The following RHOT1 variants were observed in gnomAD, a reference collection of about 807,000 sequenced individuals.
The protein encoded by RHOT1 is ras homolog family member T1.
A neutral mutation model predicts 95.3 loss-of-function variants in RHOT1; 27 were observed. The observed-to-expected ratio is 0.28, with a 90% CI of 0.21 to 0.39. The LOEUF is 0.39. Ranked by LOEUF, RHOT1 falls within the 10% of genes least tolerant of loss-of-function variation. The probability of loss-of-function intolerance (pLI) is 1.00; values close to 1 mark genes in which losing one functional copy is unlikely to be tolerated. For missense variants in RHOT1, 578 were observed against 786.7 expected (o/e 0.73, Z 3.17); for synonymous variants, 227 against 263.5 (o/e 0.86, Z 1.34).
chr17:32,143,003 C>G (rs1027955422), intron 1 of RHOT1: 1 of 694,440 alleles, frequency 1.4e-6, no homozygotes, highest in African/African-American at 2.2e-5. Context: ...AGCCATGTCC[C>G]TATTAGCCCT....
Position 32,142,676 on chromosome 17 carries a change from C to A in RHOT1, c.-17C>A. ...TCCGTGCGTGCGGGCGGAGGCCGGC[C>A]CCCGAGAGCCGCCGACATGAAGAAA... On this transcript the variant is annotated 5_prime_UTR_variant, in exon 1 of 20. Transcript: ENST00000545287. 6.5e-7 allele frequency: 1 copy of A among 1,528,494 alleles called. No homozygotes were observed. The allele number at this position is 1,528,494 out of a possible 1,614,324, so 94.7% of individuals were successfully genotyped here.
chr17:32,163,325 G>T (rs998717201), intron 1 of RHOT1, among the ~76,000 whole-genome samples: 1 of 152,140 alleles, frequency 6.6e-6, no homozygotes, highest in Non-Finnish European at 1.5e-5. Context: ...AGGAATGAAT[G>T]TTAAAAATTT....
At chr17:32,222,464 A>G (rs2038893089) in intron 19 of RHOT1, among the ~76,000 whole-genome samples, 1 of 152,156 alleles carries the variant, frequency 6.6e-6, no homozygotes, top group South Asian at 2.1e-4. Context: ...TTTCAGATGC[A>G]CCAAGACCAG....
chr17:32,222,533 GGTGT>G (rs145762607), intron 19 of RHOT1, among the ~76,000 whole-genome samples: 1 of 151,370 alleles, frequency 6.6e-6, no homozygotes, highest in Non-Finnish European at 1.5e-5. Context: ...GTCTGGAGTG[GGTGT>G]GTGTGTGTGT....
At chr17:32,213,767 T>C (rs1359672352) in intron 19 of RHOT1, among the ~76,000 whole-genome samples, 1 of 152,230 alleles carries the variant, frequency 6.6e-6, no homozygotes, top group African/African-American at 2.4e-5. Context: ...ATTCATTGTC[T>C]GTGTCCCTGG....
At chr17:32,199,341 G>A in intron 12 of RHOT1, 64 bp from the exon 13 acceptor site, 4 of 1,449,610 alleles carry the variant, frequency 2.8e-6, no homozygotes, top group Admixed American at 2.2e-5. Flanking sequence ...TAGATTGGGG[G>A]GCTTTTGAGT....
At chr17:32,221,751 A>T (rs955724113) in intron 19 of RHOT1, among the ~76,000 whole-genome samples, 1 of 152,210 alleles carries the variant, frequency 6.6e-6, no homozygotes, top group Non-Finnish European at 1.5e-5. Flanking sequence ...ACATGTATCT[A>T]TATTGATCTT....
At position 32,163,222 on chromosome 17, in the gene RHOT1, G is replaced by A. The variant is rs1275209344; in HGVS notation, c.38-7821G>A. Among the ~76,000 whole-genome samples, 3 of 152,128 alleles carry A rather than the reference G, an allele frequency of 2.0e-5. 1 individual carries two copies. The highest frequency in any genetic ancestry group is 4.4e-5 in the Non-Finnish European group (3 of 68,026). On this transcript the variant is annotated intron_variant, in intron 1 of 19. Coordinates refer to ENST00000545287, the MANE Select transcript of RHOT1 (RefSeq NM_001033566.3). ...ATTTATATTGTTGGTAGATTAATGAGGAGAGAGACTGGAGAAAGGGATAGG... is the reference window on the plus strand; with the variant it reads ...ATTTATATTGTTGGTAGATTAATGAAGAGAGAGACTGGAGAAAGGGATAGG...
At position 32,207,549 on chromosome 17, in the gene RHOT1, C is replaced by T. The variant is rs774471534; in HGVS notation, c.1536+520C>T. The stretch of plus-strand genomic sequence containing the variant: ...AATAATCAAGATGGCTAACAATGGA[C>T]GATGATTTACTGAAGTAAGATAAAA... On this transcript the variant is annotated intron_variant, in intron 17 of 19. Transcript: ENST00000545287. 9 of 153,280 alleles carry T rather than the reference C, an allele frequency of 5.9e-5. No homozygotes were observed. In the South Asian group the frequency reaches 6.1e-4, roughly 10 times the overall value. The allele number at this position is 153,280 out of a possible 1,614,324, so 9.5% of individuals were successfully genotyped here.
chr17:32,190,748 A>T (rs1407413363), intron 8 of RHOT1, among the ~76,000 whole-genome samples: 2 of 152,230 alleles, frequency 1.3e-5, no homozygotes, highest in Admixed American at 6.5e-5. Context: ...ATGTGTGATT[A>T]TAGATGTTAT....
chr17:32,187,018 G>C (rs749429720), intron 8 of RHOT1, among the ~76,000 whole-genome samples: 26 of 151,926 alleles, frequency 1.7e-4, no homozygotes, highest in Non-Finnish European at 2.9e-4. Context: ...CGGGTGCAGT[G>C]GCTCATGCCT....
intron 1 of RHOT1, among the ~76,000 whole-genome samples, chr17:32,154,283 A>G (rs1250746895): frequency 6.6e-6 from 1 of 150,830 alleles, no homozygotes; most frequent in Non-Finnish European, 1.5e-5. Context: ...TCTACGAGAA[A>G]TTAAAAAAAA....
rs1242718385 is a variant in RHOT1 at position 32,142,506 on chromosome 17, C to CCGCCGCCGCCGCCGCCGCCG, written c.-186_-185insGCCGCCGCCGCCGCCGCCGC. On this transcript the variant is annotated 5_prime_UTR_variant, in exon 1 of 20. Transcript: ENST00000545287. ...GCCGCCGCCGCCGCCGCCGCCACAG[C>CCGCCGCCGCCGCCGCCGCCG]CCGCTGGGCCGGAGGAGGCGGAGCT... 2 of 432,394 alleles carry CCGCCGCCGCCGCCGCCGCCG rather than the reference C, an allele frequency of 4.6e-6. No homozygotes were observed. Among genetic ancestry groups the CCGCCGCCGCCGCCGCCGCCG allele is most frequent in the Non-Finnish European group, 7.7e-6 (2 of 260,478 alleles). 26.8% of individuals were successfully genotyped at this position (432,394 alleles called of 1,614,324 possible).
intron 1 of RHOT1, among the ~76,000 whole-genome samples, chr17:32,162,318 A>G (rs1177443059): frequency 6.6e-6 from 1 of 152,200 alleles, no homozygotes; most frequent in Non-Finnish European, 1.5e-5. Flanking sequence ...GGAAATTCCA[A>G]GGGATTCTGA....
Position 32,142,741 on chromosome 17 carries a change from C to A in RHOT1, c.37+12C>A. 2 of 1,507,434 alleles carry A rather than the reference C, an allele frequency of 1.3e-6. No homozygotes were observed. The highest frequency in any genetic ancestry group is 1.3e-5 in the South Asian group (1 of 77,060). 93.4% of individuals were successfully genotyped at this position (1,507,434 alleles called of 1,614,324 possible). On this transcript the variant is annotated intron_variant, in intron 1 of 19. Coordinates refer to ENST00000545287, the MANE Select transcript of RHOT1 (RefSeq NM_001033566.3). ...GCTGGTGGGAGAACGTGAGTCCGCA[C>A]CCTCTGGCCGGCCCCTGAGTCCCTG... is the stretch of plus-strand genomic sequence containing the variant.
intron 19 of RHOT1, among the ~76,000 whole-genome samples, chr17:32,220,367 A>C (rs1465172396): frequency 6.6e-6 from 1 of 152,202 alleles, no homozygotes; most frequent in African/African-American, 2.4e-5. Context: ...CTGTCTCTGA[A>C]AAGTAAAATA....
intron 18 of RHOT1, 27 bp from the exon 19 acceptor site, chr17:32,211,089 C>A: frequency 6.3e-7 from 1 of 1,583,810 alleles, no homozygotes; most frequent in South Asian, 1.1e-5. Context: ...AAGAACTCAA[C>A]TCCTGTCCTT....
chr17:32,175,836 G>GT (rs2034960185), intron 4 of RHOT1, 126 bp from the exon 5 acceptor site: 4 of 581,520 alleles, frequency 6.9e-6, no homozygotes, highest in Admixed American at 3.8e-5. Flanking sequence ...TTCTTTTTTT[G>GT]TTTTTTTGTT....
chr17:32,167,309 G>A (rs974748946), intron 1 of RHOT1, among the ~76,000 whole-genome samples: 3 of 151,874 alleles, frequency 2.0e-5, no homozygotes, highest in Admixed American at 1.3e-4. Flanking sequence ...TAGAGCACAG[G>A]CAGAATAGAT....
Sources: allele counts gnomAD v4.1 joint callset (sites outside exome capture counted in the v4.1 genomes callset), GRCh38; gene constraint gnomAD v4.1.1; transcripts MANE v1.5; gene names NCBI Gene and HGNC (gene_info 2026-07-23, HGNC 2026-07-21).